The following GAS7 variants were observed in gnomAD, a reference collection of about 807,000 sequenced individuals.
GAS7 encodes the protein growth arrest specific 7.
GAS7 carries 28 observed loss-of-function variants against 71.1 expected under a neutral mutation model. The observed-to-expected ratio is 0.39, with a 90% CI of 0.29 to 0.54. The LOEUF is 0.54. Among genes scored for constraint, GAS7 ranks in the 20% least tolerant of loss-of-function variants. The probability of loss-of-function intolerance (pLI) is 0.62; values close to 1 mark genes in which losing one functional copy is unlikely to be tolerated. For synonymous variants in GAS7, 258 were observed against 245.8 expected (o/e 1.05, Z -0.46); for missense variants, 436 against 627.8 (o/e 0.69, Z 3.27).
At chr17:10,169,905 G>A (rs190494939) in intron 1 of GAS7, among the ~76,000 whole-genome samples, 83 of 152,198 alleles carry the variant, frequency 5.5e-4, no homozygotes, top group African/African-American at 2.0e-3. Flanking sequence ...CAAACCTGCT[G>A]CTTCCGTTCC....
Position 9,919,535 on chromosome 17 carries a change from A to G in GAS7, c.1218+91T>C. The G allele has an allele frequency of 1.1e-6, 1 of 909,540 alleles. No homozygotes were observed. Among genetic ancestry groups the G allele is most frequent in the Non-Finnish European group, 1.9e-6 (1 of 538,076 alleles). 56.3% of individuals were successfully genotyped at this position (909,540 alleles called of 1,614,324 possible). A position where few individuals can be genotyped will look rare whatever the true frequency, so the allele number is the denominator to read the frequency against. ...TGATGACCATCTCCAGGGTCACTCC[A>G]CCCCATCATCCCCGCGCCCACCAAC... On this transcript the variant is annotated intron_variant, in intron 12 of 13. Coordinates refer to ENST00000432992, the MANE Select transcript of GAS7 (RefSeq NM_201433.2). The surrounding 1 kb of genome is among the most constrained non-coding windows in gnomAD (Gnocchi z 5.0).
chr17:10,011,704 C>T (rs372079784), intron 2 of GAS7, among the ~76,000 whole-genome samples: 55 of 152,190 alleles, frequency 3.6e-4, no homozygotes, highest in African/African-American at 7.5e-4. Context: ...AGGCCGGGTG[C>T]GGTGGCTCAT....
intron 1 of GAS7, among the ~76,000 whole-genome samples, chr17:10,157,466 G>A (rs1014592632): frequency 6.6e-6 from 1 of 152,160 alleles, no homozygotes; most frequent in Non-Finnish European, 1.5e-5. Flanking sequence ...TAATGATTTT[G>A]TGTTATCCTG....
At chr17:10,035,377 A>G (rs1255465002) in intron 1 of GAS7, among the ~76,000 whole-genome samples, 1 of 152,178 alleles carries the variant, frequency 6.6e-6, no homozygotes, top group South Asian at 2.1e-4. Context: ...GTCCTGCCCC[A>G]GCACCGGATC....
At chr17:10,102,626 C>T (rs567182114) in intron 1 of GAS7, among the ~76,000 whole-genome samples, 55 of 152,236 alleles carry the variant, frequency 3.6e-4, no homozygotes, top group Admixed American at 9.8e-4. Context: ...TATTTTAAAT[C>T]CAGACTTCTC....
At chr17:10,118,465 C>A (rs2073879559) in intron 1 of GAS7, among the ~76,000 whole-genome samples, 1 of 152,166 alleles carries the variant, frequency 6.6e-6, no homozygotes. Flanking sequence ...AATCCCAACA[C>A]TTTGGGAGGC....
chr17:10,163,663 C>CT (rs935985290), intron 1 of GAS7, among the ~76,000 whole-genome samples: 3 of 152,120 alleles, frequency 2.0e-5, no homozygotes, highest in Admixed American at 2.0e-4. Context: ...TAGGGCCATA[C>CT]TTTGAGTGCT....
At chr17:9,983,102 ATATGTTGATTTGTT>A (rs561319157) in intron 2 of GAS7, among the ~76,000 whole-genome samples, 31,897 of 152,132 alleles carry the variant, frequency 0.21, 3,537 homozygotes, top group Middle Eastern at 0.3. Flanking sequence ...TTTGGTATCC[ATATGTTGATTTGTT>A]TTCTAAGCAT....
At chr17:9,937,314 C>T (rs2068436131) in intron 8 of GAS7, among the ~76,000 whole-genome samples, 1 of 152,222 alleles carries the variant, frequency 6.6e-6, no homozygotes, top group Admixed American at 6.5e-5. Context: ...GGAGCATATG[C>T]TGTGCATGTT....
chr17:9,975,618 T>C (rs2070168412), intron 3 of GAS7, among the ~76,000 whole-genome samples: 1 of 151,808 alleles, frequency 6.6e-6, no homozygotes, highest in Non-Finnish European at 1.5e-5. Flanking sequence ...TCCCCAGGTG[T>C]GTTAAACAGG....
In GAS7 at chr17:9,917,166, G is replaced by A. The variant is rs1479257280; in HGVS notation, c.*62C>T. 2.0e-6 allele frequency: 2 copies of A among 1,021,100 alleles called. No homozygotes were observed. The highest frequency in any genetic ancestry group is 3.1e-6 in the Non-Finnish European group (2 of 639,680). 63.3% of individuals were successfully genotyped at this position (1,021,100 alleles called of 1,614,324 possible). A position where few individuals can be genotyped will look rare whatever the true frequency, so the allele number is the denominator to read the frequency against. The stretch of plus-strand genomic sequence containing the variant: ...GGTGGGGGGCATCCACTCGGCATGG[G>A]CCCCATGGTGGGAGCCCAGCCCCCC... On this transcript the variant is annotated 3_prime_UTR_variant, in exon 14 of 14. Transcript: ENST00000432992.
At chr17:10,027,769 G>A (rs941992335) in intron 1 of GAS7, among the ~76,000 whole-genome samples, 2 of 152,204 alleles carry the variant, frequency 1.3e-5, no homozygotes, top group African/African-American at 4.8e-5. Context: ...ATCGTGGCTT[G>A]TGCCTATAAT....
intron 8 of GAS7, among the ~76,000 whole-genome samples, chr17:9,937,949 T>G (rs1348268711): frequency 1.3e-5 from 2 of 152,144 alleles, no homozygotes; most frequent in Non-Finnish European, 2.9e-5. Flanking sequence ...AAATTAACCG[T>G]TGAAAAGTGA....
chr17:10,015,370 C>T (rs2071952122), intron 2 of GAS7, among the ~76,000 whole-genome samples: 1 of 152,136 alleles, frequency 6.6e-6, no homozygotes, highest in Admixed American at 6.5e-5. Flanking sequence ...GAAGAATGGC[C>T]TGCTTAGAAC....
rs912338847 is a variant in GAS7, at chr17:9,959,730, A to G, written c.472-475T>C. On this transcript the variant is annotated intron_variant, in intron 4 of 13. Coordinates refer to ENST00000432992, the MANE Select transcript of GAS7 (RefSeq NM_201433.2). The surrounding 1 kb of genome is among the most constrained non-coding windows in gnomAD (Gnocchi z 5.0). ...TCAAACCTAAATACACACAATGTGC[A>G]CTGGGGCGCTGCTCGGTCACCTCCC... Among the ~76,000 whole-genome samples, 1 of 152,108 alleles carries G rather than the reference A, an allele frequency of 6.6e-6. No individual in the cohort carries two copies. Among genetic ancestry groups the G allele is most frequent in the Non-Finnish European group, 1.5e-5 (1 of 68,008 alleles).
Position 9,917,265 on chromosome 17 carries a change from T to C in GAS7, c.1394A>G (p.Lys465Arg), listed in dbSNP as rs1368543938. The C allele has an allele frequency of 6.2e-7, 1 of 1,613,488 alleles. No individual in the cohort carries two copies. The highest frequency in any genetic ancestry group is 1.1e-5 in the South Asian group (1 of 91,080). The change falls in exon 14 of 14, where the codon AAG (lysine) becomes AGG (arginine). Residue 465 changes from lysine to arginine, a missense_variant. By Grantham distance (26) the Lys-to-Arg change is conservative. Coordinates refer to ENST00000432992, the MANE Select transcript of GAS7 (RefSeq NM_201433.2). Reference sequence around the variant, plus strand: ...GTCCACAGGGCGGATGTTGCCCGTCTTGTGCTCTCTGACCCACAGCTCCCT... The same window carrying C: ...GTCCACAGGGCGGATGTTGCCCGTCCTGTGCTCTCTGACCCACAGCTCCCT... ...KDRELWVREH[K>R]TGNIRPVDME... is the part of the protein sequence containing the mutation.
intron 2 of GAS7, among the ~76,000 whole-genome samples, chr17:9,992,848 T>C (rs1423898904): frequency 6.7e-6 from 1 of 150,360 alleles, no homozygotes; most frequent in Non-Finnish European, 1.5e-5. Context: ...AGTGAGAATA[T>C]GCGGTGTTTG....
At chr17:10,169,084 G>C (rs1436232408) in intron 1 of GAS7, among the ~76,000 whole-genome samples, 1 of 151,574 alleles carries the variant, frequency 6.6e-6, no homozygotes, top group Non-Finnish European at 1.5e-5. Flanking sequence ...AGATCAGCCT[G>C]GCCAACATGG....
In GAS7 at chr17:9,926,891, C is replaced by A; in HGVS notation, c.886-122G>T. On this transcript the variant is annotated intron_variant, in intron 9 of 13. Transcript: ENST00000432992. This position sits in a 1 kb window ranked among gnomAD's most constrained non-coding sequence, Gnocchi z 5.0. ...GCAAGTGAGGATGAGTCTGGGGTAG[C>A]GACCTGGCAGGAAGGTGAGAGACAC... The A allele has an allele frequency of 1.9e-6, 2 of 1,039,852 alleles. No individual in the cohort carries two copies. Among genetic ancestry groups the A allele is most frequent in the Middle Eastern group, 2.2e-4 (1 of 4,628 alleles). 64.4% of individuals were successfully genotyped at this position (1,039,852 alleles called of 1,614,324 possible).
Sources: allele counts gnomAD v4.1 joint callset (sites outside exome capture counted in the v4.1 genomes callset), GRCh38; gene constraint gnomAD v4.1.1; non-coding constraint Gnocchi (gnomAD v3.1); transcripts MANE v1.5; gene names NCBI Gene and HGNC (gene_info 2026-07-23, HGNC 2026-07-21).